VIPAS39: variants seen among roughly 807,000 people sequenced by gnomAD.
VIPAS39 encodes VPS33B interacting protein, apical-basolateral polarity regulator, spe-39 homolog.
Under a neutral mutation model 84.7 loss-of-function variants are expected in VIPAS39, and 63 were observed. The ratio of observed to expected loss-of-function variants is 0.74; its 90% CI spans 0.61 to 0.92. VIPAS39 has a LOEUF of 0.92. VIPAS39 is among the 40% of genes least tolerant of loss of function. VIPAS39 has a pLI of 0.00. For missense variants in VIPAS39, 499 were observed against 604.5 expected (o/e 0.83, Z 1.83); for synonymous variants, 192 against 216.5 (o/e 0.89, Z 0.99).
chr14:77,443,375 G>A (rs2078732591), intron 8 of VIPAS39, among the ~76,000 whole-genome samples: 1 of 152,112 alleles, frequency 6.6e-6, no homozygotes, highest in Non-Finnish European at 1.5e-5. Flanking sequence ...TCTGAAAGAG[G>A]ATACGCTCAC....
At chr14:77,429,640 C>G in intron 17 of VIPAS39, 41 bp downstream of exon 17, 2 of 1,599,768 alleles carry the variant, frequency 1.3e-6, no homozygotes, top group South Asian at 1.1e-5. Context: ...AGTTAGGTCT[C>G]CAAGAATATC....
At chr14:77,446,893 C>A (rs1351727246) in intron 7 of VIPAS39, among the ~76,000 whole-genome samples, 2 of 151,974 alleles carry the variant, frequency 1.3e-5, no homozygotes, top group Non-Finnish European at 2.9e-5. Flanking sequence ...CTCATTGCAG[C>A]CTCGACCTTC....
rs867268041 is a variant in VIPAS39, at chr14:77,435,303, T to C, written c.1003A>G (p.Thr335Ala). The change falls in exon 14 of 20, where the codon ACA (threonine) becomes GCA (alanine). Residue 335 changes from threonine (T) to alanine (A), a missense_variant. Coordinates refer to ENST00000557658, the MANE Select transcript of VIPAS39 (RefSeq NM_001193315.2). ...TAGAAGCAGGAGTAGAAAAGTGTTG[T>C]CACTAGTGGCATGTTGAGGATGGAG... Reference protein sequence around the residue: ...KASILNMPLVTTLFYSCFYHY... With the variant: ...KASILNMPLVATLFYSCFYHY... 16 of 1,613,978 alleles carry C rather than the reference T, an allele frequency of 9.9e-6. No individual in the cohort carries two copies. In the Middle Eastern group the frequency reaches 6.6e-4, roughly 67 times the overall value.
At chr14:77,449,464 T>C (rs2139868193) in intron 5 of VIPAS39, 107 bp from the exon 6 acceptor site, 1 of 1,437,028 alleles carries the variant, frequency 7.0e-7, no homozygotes, top group Non-Finnish European at 9.7e-7. Flanking sequence ...GGGCTCCCAA[T>C]GTTAACTTTA....
chr14:77,441,876 G>A (rs1381536683), intron 10 of VIPAS39, among the ~76,000 whole-genome samples: 1 of 152,108 alleles, frequency 6.6e-6, no homozygotes, highest in Non-Finnish European at 1.5e-5. Flanking sequence ...ATCCAAAGGT[G>A]GGAAATAGTC....
At position 77,435,871 on chromosome 14, in the gene VIPAS39, C is replaced by T. The variant is rs781166401; in HGVS notation, c.885G>A (p.Thr295=). ...EDSAHIQDHY[T]LLERQIIIEA... ...CAATAATGATCTGACGTTCCAGGAG[C>T]GTGTAATGGTCCTGTATGTGTGCGG... The change falls in exon 13 of 20, where the codon ACG becomes ACA. Residue 295 remains threonine, a synonymous_variant. Coordinates refer to ENST00000557658, the MANE Select transcript of VIPAS39 (RefSeq NM_001193315.2). 21 of 1,613,972 alleles carry T rather than the reference C, an allele frequency of 1.3e-5. No homozygotes were observed. The highest frequency in any genetic ancestry group is 4.5e-5 in the East Asian group (2 of 44,894).
intron 16 of VIPAS39, among the ~76,000 whole-genome samples, chr14:77,430,360 G>A (rs774678764): frequency 5.3e-5 from 8 of 152,056 alleles, no homozygotes; most frequent in Non-Finnish European, 1.0e-4. Context: ...TATTTAAAAC[G>A]TAAACTAATT....
At chr14:77,438,480 T>TG (rs2078650767) in intron 11 of VIPAS39, among the ~76,000 whole-genome samples, 1 of 152,218 alleles carries the variant, frequency 6.6e-6, no homozygotes. Context: ...CTGCCCAACT[T>TG]GGTCTCCCAG....
chr14:77,434,224 G>C (rs1412275150), intron 15 of VIPAS39, 38 bp downstream of exon 15: 1 of 1,596,960 alleles, frequency 6.3e-7, no homozygotes, highest in African/African-American at 1.3e-5. Context: ...TAGTTACCCT[G>C]ATCACTAGTT....
chr14:77,434,582 T>C (rs2078575129), intron 14 of VIPAS39, among the ~76,000 whole-genome samples: 1 of 152,090 alleles, frequency 6.6e-6, no homozygotes, highest in African/African-American at 2.4e-5. Flanking sequence ...TCCATACTTC[T>C]TTGAAAAATT....
chr14:77,450,186 C>T (rs1196811005), intron 4 of VIPAS39, among the ~76,000 whole-genome samples: 1 of 152,194 alleles, frequency 6.6e-6, no homozygotes, highest in Non-Finnish European at 1.5e-5. Context: ...CTCTATGAAT[C>T]TGACTATTCT....
intron 5 of VIPAS39, 135 bp from the exon 6 acceptor site, chr14:77,449,492 C>T: frequency 7.7e-7 from 1 of 1,290,484 alleles, no homozygotes; most frequent in South Asian, 1.2e-5. Flanking sequence ...AAGCAGATCT[C>T]CGTTCTTCCC....
Position 77,437,869 on chromosome 14 carries a change from G to A in VIPAS39, c.775C>T (p.Arg259Ter), listed in dbSNP as rs143865789. 22 of 1,613,856 alleles carry A rather than the reference G, an allele frequency of 1.4e-5. No individual in the cohort carries two copies. The highest frequency in any genetic ancestry group is 5.1e-6 in the Non-Finnish European group (6 of 1,180,016). ...RTEELALSHY[R>*]EHLNIQDPDK... Reference sequence around the variant, plus strand: ...GGGTCCTGAATGTTCAAATGCTCTCGATAATGAGATAGCTACAAAAAGCAG... The same window carrying A: ...GGGTCCTGAATGTTCAAATGCTCTCAATAATGAGATAGCTACAAAAAGCAG... The change falls in exon 12 of 20, where the codon CGA becomes TGA. Residue 259 changes from arginine (R) to a stop codon, truncating the protein, a stop_gained. Transcript: ENST00000557658. LOFTEE classifies it high-confidence loss of function.
At chr14:77,428,952 C>A (rs1237372794) in intron 18 of VIPAS39, 54 bp downstream of exon 18, 4 of 1,487,204 alleles carry the variant, frequency 2.7e-6, no homozygotes, top group African/African-American at 2.8e-5. Flanking sequence ...ATAATCCCCA[C>A]CCTGCTTCGC....
chr14:77,440,866 G>A (rs1423615154), intron 11 of VIPAS39, among the ~76,000 whole-genome samples, 200 bp downstream of exon 11: 5 of 115,596 alleles, frequency 4.3e-5, no homozygotes, highest in South Asian at 3.6e-4. Context: ...TTACAGGTGC[G>A]TGCCACCACA....
At chr14:77,427,799 T>A (rs940528544) in intron 19 of VIPAS39, among the ~76,000 whole-genome samples, 163 bp from the exon 20 acceptor site, 1 of 152,162 alleles carries the variant, frequency 6.6e-6, no homozygotes, top group African/African-American at 2.4e-5. Context: ...TTTTAAAATA[T>A]ATGGGGGAGT....
intron 19 of VIPAS39, among the ~76,000 whole-genome samples, chr14:77,427,842 T>C (rs2078454397): frequency 6.6e-6 from 1 of 152,224 alleles, no homozygotes; most frequent in Non-Finnish European, 1.5e-5. Flanking sequence ...AACACCTATT[T>C]TGTATTTTAC....
chr14:77,427,667 G>A (rs529888163), intron 19 of VIPAS39, 31 bp from the exon 20 acceptor site: 7 of 1,613,968 alleles, frequency 4.3e-6, no homozygotes, highest in Admixed American at 1.7e-5. Context: ...GAAAGTGTGT[G>A]ATCAGTTTTC....
At chr14:77,432,544 A>G (rs565244963) in intron 16 of VIPAS39, among the ~76,000 whole-genome samples, 63 of 152,348 alleles carry the variant, frequency 4.1e-4, no homozygotes, top group Non-Finnish European at 6.6e-4. Flanking sequence ...GGATGAGTGG[A>G]TAAAGAAATT....
Sources: allele counts gnomAD v4.1 joint callset (sites outside exome capture counted in the v4.1 genomes callset), GRCh38; gene constraint gnomAD v4.1.1; transcripts MANE v1.5; gene names NCBI Gene and HGNC (gene_info 2026-07-23, HGNC 2026-07-21).